Variants in CDC42BPG observed in about 807,000 individuals in gnomAD.
CDC42BPG encodes serine/threonine-protein kinase MRCK gamma.
A neutral mutation model predicts 192.2 loss-of-function variants in CDC42BPG; 157 were observed. The observed-to-expected ratio is 0.82, with a 90% CI of 0.72 to 0.93. The LOEUF is 0.93. CDC42BPG is among the 40% of genes least tolerant of loss of function. CDC42BPG has a pLI of 0.00. For synonymous variants in CDC42BPG, 981 were observed against 918.5 expected (o/e 1.07, Z -1.23); for missense variants, 1,992 against 2,122.1 (o/e 0.94, Z 1.20).
Position 64,824,121 on chromosome 11 carries a change from C to T in CDC42BPG, c.*352G>A, listed in dbSNP as rs1942335089. On this transcript the variant is annotated 3_prime_UTR_variant, in exon 37 of 37. Transcript: ENST00000342711. The stretch of plus-strand genomic sequence containing the variant: ...AGACCTCCAACCTGTTCCCAGAGAC[C>T]CAGTCCCTCTCCATCCCTCATCCCA... 1 of 356,216 alleles carries T rather than the reference C, an allele frequency of 2.8e-6. No homozygotes were observed. Among genetic ancestry groups the T allele is most frequent in the African/African-American group, 2.2e-5 (1 of 46,244 alleles). The allele number at this position is 356,216 out of a possible 1,614,324, so 22.1% of individuals were successfully genotyped here.
intron 5 of CDC42BPG, 91 bp downstream of exon 5, chr11:64,840,029 G>A (rs1017096972): frequency 3.9e-6 from 5 of 1,297,292 alleles, no homozygotes; most frequent in African/African-American, 1.5e-5. Context: ...CACATGATGA[G>A]TGCTCAGCTG....
At chr11:64,825,828 G>A (rs1474788731) in intron 36 of CDC42BPG, among the ~76,000 whole-genome samples, 1 of 152,136 alleles carries the variant, frequency 6.6e-6, no homozygotes, top group Admixed American at 6.5e-5. Context: ...CACTTTGGGA[G>A]GCCAAGGTGG....
At chr11:64,837,078 C>T in intron 9 of CDC42BPG, 59 bp from the exon 10 acceptor site, 1 of 1,343,416 alleles carries the variant, frequency 7.4e-7, no homozygotes, top group Non-Finnish European at 1.1e-6. Flanking sequence ...GAGTCTCCTC[C>T]ATCCTCCTGG....
rs1274314874 is a variant in CDC42BPG at position 64,834,492 on chromosome 11, C to T, written c.2261G>A (p.Arg754His). The T allele has an allele frequency of 1.9e-6, 3 of 1,574,084 alleles. No homozygotes were observed. The highest frequency in any genetic ancestry group is 1.8e-5 in the Admixed American group (1 of 56,346). The change falls in exon 19 of 37, where the codon CGC becomes CAC. Residue 754 changes from arginine (R) to histidine (H), a missense_variant. This residue lies in a region of CDC42BPG where 1,656 missense variants were observed against 1,844.3 expected (regional missense o/e 0.90). Transcript: ENST00000342711. ...CCGCTCCTGCAGGCCCTGCTTGGCG[C>T]GGATCTCGGCCTCCAGCGCTGACTG... ...ELQSALEAEI[R>H]AKQGLQERLT...
rs765196874 is a variant in CDC42BPG at position 64,831,602 on chromosome 11, C to T, written c.3207G>A (p.Leu1069=). Residue 1069 remains leucine, a synonymous_variant, in exon 28 of 37, where the codon CTG becomes CTA. Transcript: ENST00000342711. ...QVLGELQRLL[L]DARPRPRPVY... is the part of the protein sequence containing the mutation. The stretch of plus-strand genomic sequence containing the variant: ...CGGGCCGGGGTCTTGGCCGCGCGTC[C>T]AGCAGCAGCCGCTGCAGCTCACCCA... The T allele has an allele frequency of 2.4e-5, 39 of 1,611,722 alleles. No homozygotes were observed. Among genetic ancestry groups the T allele is most frequent in the Non-Finnish European group, 3.3e-5 (39 of 1,179,800 alleles).
chr11:64,844,028 G>A (rs1270602205), intron 1 of CDC42BPG, among the ~76,000 whole-genome samples: 1 of 152,210 alleles, frequency 6.6e-6, no homozygotes, highest in Non-Finnish European at 1.5e-5. Context: ...AACAGAGCCC[G>A]TGTATCAGTG....
At chr11:64,844,338 A>G (rs989640944) in intron 1 of CDC42BPG, 72 bp downstream of exon 1, 58 of 1,278,684 alleles carry the variant, frequency 4.5e-5, no homozygotes, top group Non-Finnish European at 5.5e-5. Flanking sequence ...CCTGCGGGAA[A>G]GTCTGCGGGT....
In CDC42BPG at chr11:64,836,723, T is replaced by TGGGGGGAA; in HGVS notation, c.1384+15_1384+16insTTCCCCCC. ...CTCAGCCCTGGGGGGGGGGGGGGGG[T>TGGGGGGAA]GGGCGGAAGGGATACCTGGCAGCCT... On this transcript the variant is annotated intron_variant, in intron 11 of 36. Transcript: ENST00000342711. 1 of 379,140 alleles carries TGGGGGGAA rather than the reference T, an allele frequency of 2.6e-6. No individual in the cohort carries two copies. Among genetic ancestry groups the TGGGGGGAA allele is most frequent in the East Asian group, 4.2e-5 (1 of 24,084 alleles). 23.5% of individuals were successfully genotyped at this position (379,140 alleles called of 1,614,324 possible).
chr11:64,825,591 C>A (rs1211784487), intron 36 of CDC42BPG, among the ~76,000 whole-genome samples: 1 of 152,184 alleles, frequency 6.6e-6, no homozygotes, highest in East Asian at 1.9e-4. Flanking sequence ...ACATGGCAAG[C>A]CCCAGGGCTC....
At position 64,840,288 on chromosome 11, in the gene CDC42BPG, A is replaced by G. The variant is rs1447833911; in HGVS notation, c.433-20T>C. 1 of 1,605,690 alleles carries G rather than the reference A, an allele frequency of 6.2e-7. No homozygotes were observed. Among genetic ancestry groups the G allele is most frequent in the Non-Finnish European group, 8.5e-7 (1 of 1,177,890 alleles). Reference sequence around the variant, plus strand: ...AAGGTACTGGAGGTGGCGGACAAGAATCAGACCCGGGGGAAGGGTGCACCT... The same window carrying G: ...AAGGTACTGGAGGTGGCGGACAAGAGTCAGACCCGGGGGAAGGGTGCACCT... On this transcript the variant is annotated intron_variant, in intron 4 of 36. Coordinates refer to ENST00000342711, the MANE Select transcript of CDC42BPG (RefSeq NM_017525.3).
intron 20 of CDC42BPG, 120 bp downstream of exon 20, chr11:64,834,146 G>A: frequency 1.5e-6 from 2 of 1,372,608 alleles, no homozygotes; most frequent in Non-Finnish European, 2.0e-6. Context: ...GGAGTAAGCG[G>A]CAGAGTCCAG....
At chr11:64,824,938 T>C (rs892103604) in intron 36 of CDC42BPG, among the ~76,000 whole-genome samples, 2 of 150,624 alleles carry the variant, frequency 1.3e-5, no homozygotes, top group Non-Finnish European at 3.0e-5. Flanking sequence ...TTTTTTTTTT[T>C]GGAGACAGAG....
In CDC42BPG at chr11:64,827,356, C is replaced by A. The variant is rs370594020; in HGVS notation, c.4193G>T (p.Arg1398Leu). 4 of 1,614,096 alleles carry A rather than the reference C, an allele frequency of 2.5e-6. No homozygotes were observed. The highest frequency in any genetic ancestry group is 3.4e-6 in the Non-Finnish European group (4 of 1,179,946). Residue 1398 changes from arginine (R) to leucine (L), a missense_variant, in exon 33 of 37, where the codon CGG becomes CTG. By Grantham distance (102) the Arg-to-Leu change is moderately radical. Around this residue, in one of 2 missense-constraint regions of CDC42BPG, gnomAD observed 336 missense variants for 277.9 expected, o/e 1.21. Transcript: ENST00000342711. Reference protein sequence around the residue: ...FDIPDLTDNSRRQLFRTKSKR... With the variant: ...FDIPDLTDNSLRQLFRTKSKR... ...GCTCTTGGTGCGGAACAGCTGGCGC[C>A]GGCTGTTGTCGGTGAGGTCCGGGAT...
chr11:64,827,630 C>T lies in CDC42BPG; in HGVS notation c.4066-19G>A, dbSNP rs374554033. On this transcript the variant is annotated intron_variant, in intron 31 of 36. Coordinates refer to ENST00000342711, the MANE Select transcript of CDC42BPG (RefSeq NM_017525.3). Reference sequence around the variant, plus strand: ...GCCGCACCTGAGGCAGCAGGCACAGCGGTCAGGCCACGCCTCCACCCCCGG... The same window carrying T: ...GCCGCACCTGAGGCAGCAGGCACAGTGGTCAGGCCACGCCTCCACCCCCGG... The T allele has an allele frequency of 6.9e-6, 11 of 1,605,652 alleles. No individual in the cohort carries two copies. Among genetic ancestry groups the T allele is most frequent in the African/African-American group, 6.7e-5 (5 of 74,732 alleles).
Position 64,836,921 on chromosome 11 carries a change from C to G in CDC42BPG, c.1303+1G>C, listed in dbSNP as rs373271185. The stretch of plus-strand genomic sequence containing the variant: ...AGGCCCGGCCCAGCCGCTCCCAGTA[C>G]CTTGGTGCTTCCTGCTCAGCTCCAC... On this transcript the variant is annotated splice_donor_variant, in intron 10 of 36. Transcript: ENST00000342711. LOFTEE classifies it high-confidence loss of function. The G allele has an allele frequency of 6.2e-7, 1 of 1,613,270 alleles. No homozygotes were observed. Among genetic ancestry groups the G allele is most frequent in the Non-Finnish European group, 8.5e-7 (1 of 1,179,822 alleles).
chr11:64,836,291 C>G lies in CDC42BPG; in HGVS notation c.1494G>C (p.Leu498=), dbSNP rs1942982732. Residue 498 remains leucine (L), a synonymous_variant, in exon 13 of 37, where the codon CTG becomes CTC. Coordinates refer to ENST00000342711, the MANE Select transcript of CDC42BPG (RefSeq NM_017525.3). ...RQELDRLHRE[L]AEGRAGLQAQ... ...CCTGCAGCCCTGCCCGACCCTCGGC[C>G]AGCTCCTGAGGAGGCAGGGGAGGGA... 1.2e-6 allele frequency: 2 copies of G among 1,607,174 alleles called. No individual in the cohort carries two copies. Among genetic ancestry groups the G allele is most frequent in the African/African-American group, 2.7e-5 (2 of 75,018 alleles).
At chr11:64,835,263 C>T in intron 16 of CDC42BPG, 84 bp downstream of exon 16, 1 of 1,609,222 alleles carries the variant, frequency 6.2e-7, no homozygotes, top group Admixed American at 1.7e-5. Context: ...ACCCTGCTCA[C>T]TGGCTGCAGC....
At chr11:64,827,421 G>C in intron 32 of CDC42BPG, 23 bp from the exon 33 acceptor site, 1 of 1,611,362 alleles carries the variant, frequency 6.2e-7, no homozygotes, top group Non-Finnish European at 8.5e-7. Context: ...TGGAGAGCTG[G>C]GCTGTGCTCA....
intron 30 of CDC42BPG, among the ~76,000 whole-genome samples, chr11:64,828,999 G>A (rs537719300): frequency 3.3e-5 from 5 of 151,862 alleles, no homozygotes; most frequent in Non-Finnish European, 5.9e-5. Flanking sequence ...GCAGTGAGCC[G>A]AGATCACACC....
Sources: gnomAD v4.1 joint callset for allele counts (sites outside exome capture counted in the v4.1 genomes callset) on GRCh38, gnomAD v4.1.1 for gene constraint, gnomAD v4.1.1 regional missense constraint, MANE v1.5 for transcripts, NCBI Gene and HGNC (gene_info 2026-07-23, HGNC 2026-07-21) for gene names.